The following CLEC14A variants were observed in gnomAD, a reference collection of about 807,000 sequenced individuals.
CLEC14A encodes the protein C-type lectin domain containing 14A.
For synonymous variants in CLEC14A, 349 were observed against 292.0 expected (o/e 1.20, Z -1.99); for missense variants, 682 against 659.9 (o/e 1.03, Z -0.37).
At position 38,254,637 on chromosome 14, in the gene CLEC14A, ATTGT is replaced by A. The variant is rs775279333; in HGVS notation, c.1382_1385del (p.Asn461MetfsTer3). ...GATCACAGTCCCCGACTTTCACCCC[ATTGT>A]TTGTGCAATGTGCAGAACTGGAGCC... On this transcript the variant is annotated frameshift_variant, in exon 1 of 1. Coordinates refer to ENST00000342213, the MANE Select transcript of CLEC14A (RefSeq NM_175060.3). LOFTEE classifies it low-confidence loss of function (END_TRUNC). The A allele has an allele frequency of 9.3e-6, 15 of 1,613,900 alleles. No individual in the cohort carries two copies. The Admixed American group carries it at 1.5e-4, about 16-fold the overall frequency.
At position 38,255,285 on chromosome 14, in the gene CLEC14A, G is replaced by A. The variant is rs1234187709; in HGVS notation, c.738C>T (p.Cys246=). 6.2e-7 allele frequency: 1 copy of A among 1,613,636 alleles called. No individual in the cohort carries two copies. Among genetic ancestry groups the A allele is most frequent in the African/African-American group, 1.3e-5 (1 of 74,916 alleles). The part of the protein sequence containing the change: ...DKLSGDVLCP[C]PGRYLRAGKC... ...TGCCAGCACGGAGGTACCTCCCGGG[G>A]CAGGGACACAACACATCGCCCGAGA... Residue 246 remains cysteine, a synonymous_variant, in exon 1 of 1, where the codon TGC becomes TGT. Transcript: ENST00000342213. The surrounding 1 kb of genome is among the most constrained non-coding windows in gnomAD (Gnocchi z 5.1).
Position 38,254,829 on chromosome 14 carries a change from C to T in CLEC14A, c.1194G>A (p.Val398=), listed in dbSNP as rs757186521. Residue 398 remains valine, a synonymous_variant, in exon 1 of 1, where the codon GTG becomes GTA. Transcript: ENST00000342213. ...TPQAFDSSSA[V]VFIFVSTAVV... ...CTGCTGTGCTCACAAATATGAAGACCACGGCAGAGGAGGAGTCGAAAGCCT... is the reference window on the plus strand; with the variant it reads ...CTGCTGTGCTCACAAATATGAAGACTACGGCAGAGGAGGAGTCGAAAGCCT... 4 of 1,614,070 alleles carry T rather than the reference C, an allele frequency of 2.5e-6. No individual in the cohort carries two copies. In the South Asian group the frequency reaches 4.4e-5, roughly 18 times the overall value.
rs752754237 is a variant in CLEC14A at position 38,254,996 on chromosome 14, T to A, written c.1027A>T (p.Ile343Phe). The change falls in exon 1 of 1, where the codon ATT (isoleucine) becomes TTT (phenylalanine). Residue 343 changes from isoleucine to phenylalanine, a missense_variant. Transcript: ENST00000342213. ...GATCCCCATCGAGGAATCTCAGGAA[T>A]AGATGTTACTGAATTGTCTTGTTCA... is the stretch of plus-strand genomic sequence containing the variant. ...VPEQDNSVTS[I>F]PEIPRWGSQS... 5.6e-6 allele frequency: 9 copies of A among 1,614,078 alleles called. No individual in the cohort carries two copies. Among genetic ancestry groups the A allele is most frequent in the Middle Eastern group, 1.6e-4 (1 of 6,062 alleles).
rs138037936 is a variant in CLEC14A at position 38,254,899 on chromosome 14, C to T, written c.1124G>A (p.Ser375Asn). The T allele has an allele frequency of 4.2e-5, 68 of 1,614,074 alleles. No individual in the cohort carries two copies. The highest frequency in any genetic ancestry group is 5.4e-5 in the Non-Finnish European group (64 of 1,180,046). ...ESKATITPSGSVISKFNSTTS... is the reference protein window; with the variant it reads ...ESKATITPSGNVISKFNSTTS... ...CGTAGAATTAAACTTGGAAATCACGCTCCCTGATGGGGTGATAGTGGCCTT... is the reference window on the plus strand; with the variant it reads ...CGTAGAATTAAACTTGGAAATCACGTTCCCTGATGGGGTGATAGTGGCCTT... Residue 375 changes from serine (S) to asparagine (N), a missense_variant, in exon 1 of 1, where the codon AGC becomes AAC. Coordinates refer to ENST00000342213, the MANE Select transcript of CLEC14A (RefSeq NM_175060.3).
In CLEC14A at chr14:38,255,141, C is replaced by T. The variant is rs144490241; in HGVS notation, c.882G>A (p.Pro294=). The T allele has an allele frequency of 4.7e-3, 7,620 of 1,613,216 alleles. 22 individuals carry two copies. Among genetic ancestry groups the T allele is most frequent in the Non-Finnish European group, 5.8e-3 (6,845 of 1,180,024 alleles). ...RSCVTSGEGQ[P]TLGGTGVPTR... is the part of the protein sequence containing the mutation. ...TGGGCACCCCGGTCCCCCCAAGGGT[C>T]GGCTGTCCTTCCCCACTGGTCACAC... The change falls in exon 1 of 1, where the codon CCG becomes CCA. Residue 294 remains proline, a synonymous_variant. Transcript: ENST00000342213. This position sits in a 1 kb window ranked among gnomAD's most constrained non-coding sequence, Gnocchi z 5.1.
chr14:38,255,489 C>T lies in CLEC14A; in HGVS notation c.534G>A (p.Leu178=). 3 of 1,613,180 alleles carry T rather than the reference C, an allele frequency of 1.9e-6. No homozygotes were observed. The highest frequency in any genetic ancestry group is 1.6e-4 in the Middle Eastern group (1 of 6,062). The change falls in exon 1 of 1, where the codon TTG becomes TTA. Residue 178 remains leucine, a synonymous_variant. Transcript: ENST00000342213. The surrounding 1 kb of genome is among the most constrained non-coding windows in gnomAD (Gnocchi z 5.1). The part of the protein sequence containing the change: ...GYLCKYQFEV[L]CPAPRPGAAS... ...CGGCCCCGGGGCGCGGCGCAGGACA[C>T]AAGACCTCAAACTGGTACTTGCACA...
chr14:38,254,443 G>T lies in CLEC14A; in HGVS notation c.*107C>A. On this transcript the variant is annotated 3_prime_UTR_variant, in exon 1 of 1. Coordinates refer to ENST00000342213, the MANE Select transcript of CLEC14A (RefSeq NM_175060.3). ...GTGGAGTAAAGGGAATTTAGAGGAA[G>T]GGGGATTTCTGCAGAAATTGTCAGT... is the stretch of plus-strand genomic sequence containing the variant. The T allele has an allele frequency of 1.8e-6, 2 of 1,081,812 alleles. No individual in the cohort carries two copies. Among genetic ancestry groups the T allele is most frequent in the Non-Finnish European group, 2.7e-6 (2 of 750,620 alleles). The allele number at this position is 1,081,812 out of a possible 1,614,324, so 67.0% of individuals were successfully genotyped here. A position where few individuals can be genotyped will look rare whatever the true frequency, so the allele number is the denominator to read the frequency against.
At position 38,256,032 on chromosome 14, in the gene CLEC14A, C is replaced by T. The variant is rs748747134; in HGVS notation, c.-10G>A. On this transcript the variant is annotated 5_prime_UTR_variant, in exon 1 of 1. Transcript: ENST00000342213. ...CGAACGCCGGCCTCATTCTCTGAGG[C>T]CCCGCACGCAGAGCTGCTCCCAACT... 230 of 1,511,976 alleles carry T rather than the reference C, an allele frequency of 1.5e-4. No homozygotes were observed. Among genetic ancestry groups the T allele is most frequent in the Non-Finnish European group, 2.0e-4 (226 of 1,131,422 alleles). 93.7% of individuals were successfully genotyped at this position (1,511,976 alleles called of 1,614,324 possible). A position where few individuals can be genotyped will look rare whatever the true frequency, so the allele number is the denominator to read the frequency against.
In CLEC14A at chr14:38,255,725, G is replaced by T; in HGVS notation, c.298C>A (p.Arg100Ser). Residue 100 changes from arginine (R) to serine (S), a missense_variant, in exon 1 of 1, where the codon CGT becomes AGT. Arg to Ser is a moderately radical substitution (Grantham distance 110). Coordinates refer to ENST00000342213, the MANE Select transcript of CLEC14A (RefSeq NM_175060.3). This position sits in a 1 kb window ranked among gnomAD's most constrained non-coding sequence, Gnocchi z 5.1. ...LLFWVALERRRSHCTLENEPL... is the reference protein window; with the variant it reads ...LLFWVALERRSSHCTLENEPL... ...TCGTTCTCCAGGGTGCAGTGGGAAC[G>T]CCTGCGCTCCAGTGCGACCCAGAAC... 3 of 1,560,556 alleles carry T rather than the reference G, an allele frequency of 1.9e-6. No individual in the cohort carries two copies. Among genetic ancestry groups the T allele is most frequent in the Non-Finnish European group, 2.6e-6 (3 of 1,156,012 alleles).
rs763149594 is a variant in CLEC14A, at chr14:38,255,640, A to G, written c.383T>C (p.Leu128Pro). 5 of 1,608,268 alleles carry G rather than the reference A, an allele frequency of 3.1e-6. No individual in the cohort carries two copies. The East Asian group carries it at 1.1e-4, about 36-fold the overall frequency. Reference protein sequence around the residue: ...SDPGGLESDTLQWVEEPQRSC... With the variant: ...SDPGGLESDTPQWVEEPQRSC... ...GCGTTGGGGCTCCTCCACCCACTGCAGCGTGTCGCTTTCGAGACCGCCGGG... is the reference window on the plus strand; with the variant it reads ...GCGTTGGGGCTCCTCCACCCACTGCGGCGTGTCGCTTTCGAGACCGCCGGG... The change falls in exon 1 of 1, where the codon CTG (leucine) becomes CCG (proline). Residue 128 changes from leucine to proline, a missense_variant. Physicochemically the swap from Leu to Pro is moderately conservative, Grantham distance 98 (BLOSUM62 -3). Transcript: ENST00000342213. The surrounding 1 kb of genome is among the most constrained non-coding windows in gnomAD (Gnocchi z 5.1).
chr14:38,254,541 C>T lies in CLEC14A; in HGVS notation c.*9G>A, dbSNP rs2139320496. ...ACTGTTCACAGGAGTGCCCATGTCCCCTGTTTCCCTATGCATCACTAGAGC... is the reference window on the plus strand; with the variant it reads ...ACTGTTCACAGGAGTGCCCATGTCCTCTGTTTCCCTATGCATCACTAGAGC... On this transcript the variant is annotated 3_prime_UTR_variant, in exon 1 of 1. Transcript: ENST00000342213. 8 of 1,540,708 alleles carry T rather than the reference C, an allele frequency of 5.2e-6. No homozygotes were observed. The South Asian group carries it at 1.0e-4, about 19-fold the overall frequency.
Position 38,254,820 on chromosome 14 carries a change from TATG to T in CLEC14A, c.1200_1202del (p.Phe400_Ile401delinsLeu), listed in dbSNP as rs1478083849. 1.9e-6 allele frequency: 3 copies of T among 1,614,034 alleles called. No individual in the cohort carries two copies. Among genetic ancestry groups the T allele is most frequent in the Non-Finnish European group, 2.5e-6 (3 of 1,180,022 alleles). ...ACACTACTACTGCTGTGCTCACAAATATGAAGACCACGGCAGAGGAGGAGTCGA... is the reference window on the plus strand; with the variant it reads ...ACACTACTACTGCTGTGCTCACAAATAAGACCACGGCAGAGGAGGAGTCGA... On this transcript the variant is annotated inframe_deletion, in exon 1 of 1. Transcript: ENST00000342213.
At position 38,254,798 on chromosome 14, in the gene CLEC14A, C is replaced by G; in HGVS notation, c.1225G>C (p.Val409Leu). ...VFIFVSTAVV[V>L]LVILTMTVLG... ...ACTGTCATGGTCAAGATCACCAACA[C>G]TACTACTGCTGTGCTCACAAATATG... Residue 409 changes from valine to leucine, a missense_variant, in exon 1 of 1, where the codon GTG (valine) becomes CTG (leucine). Physicochemically the swap from Val to Leu is conservative, Grantham distance 32 (BLOSUM62 1). Coordinates refer to ENST00000342213, the MANE Select transcript of CLEC14A (RefSeq NM_175060.3). 6.2e-7 allele frequency: 1 copy of G among 1,614,172 alleles called. No individual in the cohort carries two copies. The highest frequency in any genetic ancestry group is 8.5e-7 in the Non-Finnish European group (1 of 1,180,036).
In CLEC14A at chr14:38,254,385, G is replaced by C. The variant is rs1356102709; in HGVS notation, c.*165C>G. 8.3e-6 allele frequency: 5 copies of C among 603,764 alleles called. No homozygotes were observed. The East Asian group carries it at 8.7e-5, about 11-fold the overall frequency. 37.4% of individuals were successfully genotyped at this position (603,764 alleles called of 1,614,324 possible). A position where few individuals can be genotyped will look rare whatever the true frequency, so the allele number is the denominator to read the frequency against. On this transcript the variant is annotated 3_prime_UTR_variant, in exon 1 of 1. Transcript: ENST00000342213. ...GCACTTCCACTTCCTCTATCATCAG[G>C]GAAGGAGTGTGCAGTTCTGATTTAG... is the stretch of plus-strand genomic sequence containing the variant.
rs746094763 is a variant in CLEC14A, at chr14:38,255,414, C to T, written c.609G>A (p.Leu203=). 5.6e-6 allele frequency: 9 copies of T among 1,613,262 alleles called. No homozygotes were observed. The East Asian group carries it at 8.9e-5, about 16-fold the overall frequency. Residue 203 remains leucine, a synonymous_variant, in exon 1 of 1, where the codon CTG becomes CTA. Coordinates refer to ENST00000342213, the MANE Select transcript of CLEC14A (RefSeq NM_175060.3). The surrounding 1 kb of genome is among the most constrained non-coding windows in gnomAD (Gnocchi z 5.1). ...RAPFQLHSAA[L]DFSPPGTEVS... ...CCTCGGTCCCAGGTGGACTGAAGTC[C>T]AGAGCGGCGCTGTGCAGCTGGAAGG...
At position 38,254,500 on chromosome 14, in the gene CLEC14A, T is replaced by A; in HGVS notation, c.*50A>T. 6.7e-7 allele frequency: 1 copy of A among 1,489,130 alleles called. No homozygotes were observed. Among genetic ancestry groups the A allele is most frequent in the Non-Finnish European group, 9.0e-7 (1 of 1,112,310 alleles). The allele number at this position is 1,489,130 out of a possible 1,614,324, so 92.2% of individuals were successfully genotyped here. ...AGTAAGTTCCTCTTGGTTCCCCGTTTCATCAAAAGTGAAAAACTGTTCACA... is the reference window on the plus strand; with the variant it reads ...AGTAAGTTCCTCTTGGTTCCCCGTTACATCAAAAGTGAAAAACTGTTCACA... On this transcript the variant is annotated 3_prime_UTR_variant, in exon 1 of 1. Transcript: ENST00000342213.
Position 38,255,575 on chromosome 14 carries a change from C to A in CLEC14A, c.448G>T (p.Gly150Cys). 6.2e-7 allele frequency: 1 copy of A among 1,612,886 alleles called. No individual in the cohort carries two copies. Among genetic ancestry groups the A allele is most frequent in the Non-Finnish European group, 8.5e-7 (1 of 1,179,948 alleles). ...ARRCAVLQAT[G>C]GVEPAGWKEM... ...TTCCAGCCTGCGGGCTCGACCCCAC[C>A]GGTGGCCTGGAGTACCGCGCATCTC... Residue 150 changes from glycine (G) to cysteine (C), a missense_variant, in exon 1 of 1, where the codon GGT becomes TGT. Gly to Cys is a radical substitution (Grantham distance 159). Coordinates refer to ENST00000342213, the MANE Select transcript of CLEC14A (RefSeq NM_175060.3). The surrounding 1 kb of genome is among the most constrained non-coding windows in gnomAD (Gnocchi z 5.1).
rs1339839167 is a variant in CLEC14A at position 38,254,942 on chromosome 14, A to T, written c.1081T>A (p.Ser361Thr). 1.2e-6 allele frequency: 2 copies of T among 1,614,018 alleles called. No homozygotes were observed. Among genetic ancestry groups the T allele is most frequent in the South Asian group, 2.2e-5 (2 of 91,072 alleles). The change falls in exon 1 of 1, where the codon TCC becomes ACC. Residue 361 changes from serine (S) to threonine (T), a missense_variant. Coordinates refer to ENST00000342213, the MANE Select transcript of CLEC14A (RefSeq NM_175060.3). ...GTGGCCTTTGACTCGGCTTGAAGGG[A>T]CATTTGAAGGGTAGACATCGTGCTC... ...SQSTMSTLQM[S>T]LQAESKATIT...
rs1403725282 is a variant in CLEC14A at position 38,255,163 on chromosome 14, A to G, written c.860T>C (p.Val287Ala). Residue 287 changes from valine to alanine, a missense_variant, in exon 1 of 1, where the codon GTG (valine) becomes GCG (alanine). Val to Ala is a moderately conservative substitution (Grantham distance 64, BLOSUM62 0). Transcript: ENST00000342213. This position sits in a 1 kb window ranked among gnomAD's most constrained non-coding sequence, Gnocchi z 5.1. ...GGTCGGCTGTCCTTCCCCACTGGTC[A>G]CACAAGAGCGGCCGTCCTTCCCCAG... ...FELGKDGRSC[V>A]TSGEGQPTLG... The G allele has an allele frequency of 1.2e-6, 2 of 1,613,456 alleles. No homozygotes were observed. The highest frequency in any genetic ancestry group is 2.7e-5 in the African/African-American group (2 of 74,904).
Sources: allele counts gnomAD v4.1 joint callset, GRCh38; gene constraint gnomAD v4.1.1; non-coding constraint Gnocchi (gnomAD v3.1); transcripts MANE v1.5; gene names NCBI Gene and HGNC (gene_info 2026-07-23, HGNC 2026-07-21).